The following OLFM2 variants were observed in gnomAD, a reference collection of about 807,000 sequenced individuals.
OLFM2 encodes the protein olfactomedin 2.
A neutral mutation model predicts 43.9 loss-of-function variants in OLFM2; 20 were observed. That is an observed-to-expected ratio of 0.46 (90% CI 0.32 to 0.66). The LOEUF is 0.66. Ranked by LOEUF, OLFM2 falls within the 30% of genes least tolerant of loss-of-function variation. The probability of loss-of-function intolerance (pLI) is 0.04; values close to 1 mark genes in which losing one functional copy is unlikely to be tolerated. For missense variants in OLFM2, 416 were observed against 643.6 expected (o/e 0.65, Z 3.83); for synonymous variants, 268 against 278.6 (o/e 0.96, Z 0.38).
At chr19:9,868,411 T>G (rs998793338) in intron 1 of OLFM2, among the ~76,000 whole-genome samples, 3 of 152,016 alleles carry the variant, frequency 2.0e-5, no homozygotes, top group African/African-American at 7.2e-5. Flanking sequence ...CTAGCTATGT[T>G]GCCCAGCCTG....
At chr19:9,891,982 C>T (rs1204722711) in intron 1 of OLFM2, among the ~76,000 whole-genome samples, 1 of 151,978 alleles carries the variant, frequency 6.6e-6, no homozygotes, top group Non-Finnish European at 1.5e-5. Flanking sequence ...GAGAAAACTC[C>T]AGGGACACTG....
Position 9,857,706 on chromosome 19 carries a change from A to C in OLFM2, c.360+9T>G, listed in dbSNP as rs774420822. On this transcript the variant is annotated intron_variant, in intron 3 of 5. Coordinates refer to ENST00000264833, the MANE Select transcript of OLFM2 (RefSeq NM_058164.4). The surrounding 1 kb of genome is among the most constrained non-coding windows in gnomAD (Gnocchi z 5.7). Reference sequence around the variant, plus strand: ...GTTTGACCTCTGGTCTGGACACAGGAGGACCCACCTGGAAGCTCTTGGCCG... The same window carrying C: ...GTTTGACCTCTGGTCTGGACACAGGCGGACCCACCTGGAAGCTCTTGGCCG... The C allele has an allele frequency of 3.1e-6, 5 of 1,614,172 alleles. No homozygotes were observed. In the South Asian group the frequency reaches 5.5e-5, roughly 18 times the overall value.
At chr19:9,877,915 C>T (rs570131126) in intron 1 of OLFM2, among the ~76,000 whole-genome samples, 2 of 152,162 alleles carry the variant, frequency 1.3e-5, no homozygotes, top group South Asian at 2.1e-4. Flanking sequence ...TGCAATGATG[C>T]GATCCTGACT....
At chr19:9,913,873 G>A (rs1295061792) in intron 1 of OLFM2, 1 of 170,416 alleles carries the variant, frequency 5.9e-6, no homozygotes, top group Non-Finnish European at 1.2e-5. Flanking sequence ...CTCCGCGCCG[G>A]GCACTTCCAG....
chr19:9,896,102 T>C (rs1415812915), intron 1 of OLFM2, among the ~76,000 whole-genome samples: 1 of 142,174 alleles, frequency 7.0e-6, no homozygotes, highest in Non-Finnish European at 1.5e-5. Context: ...TTTTTTTTTT[T>C]TTTTTTTTTT....
At chr19:9,896,149 G>A (rs953101355) in intron 1 of OLFM2, among the ~76,000 whole-genome samples, 19 of 130,318 alleles carry the variant, frequency 1.5e-4, no homozygotes, top group Non-Finnish European at 2.3e-4. Flanking sequence ...CAGGCTGGAT[G>A]GAGTGCAGTG....
intron 1 of OLFM2, among the ~76,000 whole-genome samples, chr19:9,928,212 TAA>T (rs5827073): frequency 1.8e-4 from 26 of 141,198 alleles, no homozygotes; most frequent in African/African-American, 5.4e-4. Flanking sequence ...CCCTGCGTCT[TAA>T]AAAAAAAAAA....
chr19:9,908,060 C>A (rs980216907), intron 1 of OLFM2, among the ~76,000 whole-genome samples: 5 of 151,874 alleles, frequency 3.3e-5, no homozygotes, highest in African/African-American at 1.2e-4. Context: ...CCTGAAAGAT[C>A]CCCCTCCCCA....
In OLFM2 at chr19:9,854,493, T is replaced by C. The variant is rs746122245; in HGVS notation, c.1058A>G (p.His353Arg). ...CCAGGACCGCATGACCTCGAGGGTG[T>C]GCGGGTCCAGCCGGCTGACCACGAT... ...GNIVVSRLDP[H>R]TLEVMRSWDT... Residue 353 changes from histidine to arginine, a missense_variant, in exon 6 of 6, where the codon CAC becomes CGC. Coordinates refer to ENST00000264833, the MANE Select transcript of OLFM2 (RefSeq NM_058164.4). The surrounding 1 kb of genome is among the most constrained non-coding windows in gnomAD (Gnocchi z 9.5). The C allele has an allele frequency of 3.1e-6, 5 of 1,613,820 alleles. No homozygotes were observed. Among genetic ancestry groups the C allele is most frequent in the African/African-American group, 1.3e-5 (1 of 74,904 alleles).
At chr19:9,871,568 G>A (rs2046442414) in intron 1 of OLFM2, among the ~76,000 whole-genome samples, 1 of 101,376 alleles carries the variant, frequency 9.9e-6, no homozygotes, top group Non-Finnish European at 1.8e-5. Context: ...GCATGACTCT[G>A]CTCTCAAAAA....
intron 1 of OLFM2, among the ~76,000 whole-genome samples, chr19:9,912,616 C>T (rs573450644): frequency 5.9e-5 from 9 of 151,802 alleles, no homozygotes; most frequent in African/African-American, 2.2e-4. Flanking sequence ...CTCAGGACAC[C>T]ACGGGGAGAA....
chr19:9,865,308 A>G (rs2046392489), intron 1 of OLFM2, among the ~76,000 whole-genome samples: 1 of 151,312 alleles, frequency 6.6e-6, no homozygotes, highest in Non-Finnish European at 1.5e-5. Context: ...AGCTGAGACT[A>G]AAGGCCTTTA....
chr19:9,894,376 CAATAATAAT>C (rs528905230), intron 1 of OLFM2, among the ~76,000 whole-genome samples: 62 of 118,288 alleles, frequency 5.2e-4, no homozygotes, highest in East Asian at 9.3e-4. Context: ...GACTCTCTCT[CAATAATAAT>C]AATAATAATA....
chr19:9,914,374 T>A (rs1342197018), intron 1 of OLFM2, among the ~76,000 whole-genome samples: 1 of 152,078 alleles, frequency 6.6e-6, no homozygotes, highest in East Asian at 1.9e-4. Context: ...GGAAGGGGCT[T>A]CCTTCCCGGG....
chr19:9,903,314 GA>G (rs1453451673), intron 1 of OLFM2, among the ~76,000 whole-genome samples: 2 of 152,238 alleles, frequency 1.3e-5, no homozygotes, highest in African/African-American at 4.8e-5. Context: ...GCCTCCCTGT[GA>G]ACACCCATGG....
At chr19:9,896,643 C>T (rs888494367) in intron 1 of OLFM2, among the ~76,000 whole-genome samples, 1 of 152,180 alleles carries the variant, frequency 6.6e-6, no homozygotes, top group African/African-American at 2.4e-5. Flanking sequence ...ATTCCCTCTG[C>T]GCAGAGCATC....
At chr19:9,921,765 A>G (rs1046187991) in intron 1 of OLFM2, among the ~76,000 whole-genome samples, 7 of 152,054 alleles carry the variant, frequency 4.6e-5, no homozygotes, top group Admixed American at 2.0e-4. Context: ...GATTACAGGC[A>G]TGAGCCACCA....
At chr19:9,900,982 G>GGAAGGAAT (rs2046728954) in intron 1 of OLFM2, among the ~76,000 whole-genome samples, 1 of 50,542 alleles carries the variant, frequency 2.0e-5, no homozygotes, top group Non-Finnish European at 3.4e-5. Context: ...AAGGAAGGAA[G>GGAAGGAAT]GAAGGAAGGG....
Position 9,854,873 on chromosome 19 carries a change from C to A in OLFM2, c.688-10G>T, listed in dbSNP as rs1317363230. On this transcript the variant is annotated splice_polypyrimidine_tract_variant and intron_variant, in intron 5 of 5. Coordinates refer to ENST00000264833, the MANE Select transcript of OLFM2 (RefSeq NM_058164.4). This position sits in a 1 kb window ranked among gnomAD's most constrained non-coding sequence, Gnocchi z 9.5. ...CATCCATGTACCAGACCTATGGTAG[C>A]AGCCGCTGGTCACTGGGGGGAACCA... is the stretch of plus-strand genomic sequence containing the variant. 2 of 1,558,246 alleles carry A rather than the reference C, an allele frequency of 1.3e-6. No homozygotes were observed. Among genetic ancestry groups the A allele is most frequent in the Non-Finnish European group, 1.7e-6 (2 of 1,149,162 alleles).
Sources: allele counts gnomAD v4.1 joint callset (sites outside exome capture counted in the v4.1 genomes callset), GRCh38; gene constraint gnomAD v4.1.1; non-coding constraint Gnocchi (gnomAD v3.1); transcripts MANE v1.5; gene names NCBI Gene and HGNC (gene_info 2026-07-23, HGNC 2026-07-21).